MLLT3: variants seen among roughly 807,000 people sequenced by gnomAD.
The protein encoded by MLLT3 is protein AF-9.
In MLLT3, 4 loss-of-function variants were observed where a neutral mutation model predicts 53.2. That is an observed-to-expected ratio of 0.08 (90% CI 0.04 to 0.17). The LOEUF (loss-of-function observed/expected upper bound fraction) is 0.17. Among genes scored for constraint, MLLT3 ranks in the 10% least tolerant of loss-of-function variants. MLLT3 has a pLI of 1.00. For synonymous variants in MLLT3, 283 were observed against 230.6 expected (o/e 1.23, Z -2.06); for missense variants, 569 against 684.0 (o/e 0.83, Z 1.87).
intron 2 of MLLT3, among the ~76,000 whole-genome samples, chr9:20,592,971 G>A (rs182129522): frequency 6.6e-6 from 1 of 152,278 alleles, no homozygotes; most frequent in African/African-American, 2.4e-5. Flanking sequence ...AGGGCAGGTG[G>A]AGTTTATATA....
intron 2 of MLLT3, among the ~76,000 whole-genome samples, chr9:20,474,584 T>C (rs1001570391): frequency 2.6e-5 from 4 of 152,066 alleles, no homozygotes; most frequent in African/African-American, 9.7e-5. Flanking sequence ...GAGACACCCT[T>C]GTATTCCATC....
At position 20,483,425 on chromosome 9, in the gene MLLT3, A is replaced by C. The variant is rs1824719305; in HGVS notation, c.194-26639T>G. Among the ~76,000 whole-genome samples, 3 of 149,940 alleles carry C rather than the reference A, an allele frequency of 2.0e-5. No individual in the cohort carries two copies. In the East Asian group the frequency reaches 5.9e-4, roughly 29 times the overall value. ...GCTATTTTTTTTTTTAACTTTAAGG[A>C]TCTCACTATGTTGCCCAGGCTGGTC... On this transcript the variant is annotated intron_variant, in intron 2 of 10. Coordinates refer to ENST00000380338, the MANE Select transcript of MLLT3 (RefSeq NM_004529.4).
chr9:20,468,661 G>C (rs1824294879), intron 2 of MLLT3, among the ~76,000 whole-genome samples: 1 of 152,146 alleles, frequency 6.6e-6, no homozygotes, highest in Admixed American at 6.5e-5. Flanking sequence ...TCACAAACTA[G>C]CCATTTGTCC....
At chr9:20,536,407 G>A (rs990144539) in intron 2 of MLLT3, among the ~76,000 whole-genome samples, 1 of 152,110 alleles carries the variant, frequency 6.6e-6, no homozygotes, top group Non-Finnish European at 1.5e-5. Flanking sequence ...TCCAGATTTT[G>A]ATGGGTATCA....
At chr9:20,578,456 C>T (rs1317052977) in intron 2 of MLLT3, among the ~76,000 whole-genome samples, 2 of 151,812 alleles carry the variant, frequency 1.3e-5, no homozygotes, top group Admixed American at 1.3e-4. Context: ...GGTGGGAGGA[C>T]TGCTTAAAGC....
At chr9:20,622,159 G>T (rs2131220765) in intron 1 of MLLT3, 86 bp downstream of exon 1, 3 of 1,418,508 alleles carry the variant, frequency 2.1e-6, no homozygotes, top group Non-Finnish European at 3.0e-6. Flanking sequence ...GAACCGCGGA[G>T]CGCTGGCGCT....
rs1563956138 is a variant in MLLT3 at position 20,413,740 on chromosome 9, T to C, written c.1106A>G (p.Asn369Ser). 6.2e-7 allele frequency: 1 copy of C among 1,605,338 alleles called. No individual in the cohort carries two copies. Among genetic ancestry groups the C allele is most frequent in the Non-Finnish European group, 8.5e-7 (1 of 1,176,576 alleles). Residue 369 changes from asparagine to serine, a missense_variant, in exon 5 of 11, where the codon AAT becomes AGT. Asn to Ser is a conservative substitution (Grantham distance 46, BLOSUM62 1). Transcript: ENST00000380338. Reference protein sequence around the residue: ...VDPNDSDVEENISSKSDSEQP... With the variant: ...VDPNDSDVEESISSKSDSEQP... ...ACTCACATCAGATTTAGAGGATATA[T>C]TCTCCTCCACATCTGAATCATTGGG...
chr9:20,407,248 G>A (rs552235457), intron 5 of MLLT3, among the ~76,000 whole-genome samples: 2 of 152,306 alleles, frequency 1.3e-5, no homozygotes, highest in South Asian at 4.1e-4. Context: ...GCTCAGCTCT[G>A]TGAAACATAA....
intron 2 of MLLT3, among the ~76,000 whole-genome samples, chr9:20,496,180 G>A (rs117608888): frequency 0.019 from 2,914 of 152,236 alleles, 37 homozygotes; most frequent in Non-Finnish European, 0.028. Flanking sequence ...TCATTGCCTT[G>A]TTCTAAACAG....
chr9:20,578,297 A>G (rs1022653255), intron 2 of MLLT3, among the ~76,000 whole-genome samples: 2 of 152,194 alleles, frequency 1.3e-5, no homozygotes, highest in Non-Finnish European at 2.9e-5. Flanking sequence ...AAAATTTTGA[A>G]TCACTCTGAA....
rs551654051 is a variant in MLLT3 at position 20,566,997 on chromosome 9, G to T, written c.193+53657C>A. ...GATCTCAAGGGCAGTCTTATTAACTGTCTTAAAGGCACCGTCCAGCAACCG... is the reference window on the plus strand; with the variant it reads ...GATCTCAAGGGCAGTCTTATTAACTTTCTTAAAGGCACCGTCCAGCAACCG... On this transcript the variant is annotated intron_variant, in intron 2 of 10. Transcript: ENST00000380338. Among the ~76,000 whole-genome samples the T allele has an allele frequency of 2.2e-4, 33 of 152,164 alleles. 1 individual carries two copies. Among genetic ancestry groups the T allele is most frequent in the African/African-American group, 7.5e-4 (31 of 41,520 alleles).
intron 5 of MLLT3, among the ~76,000 whole-genome samples, chr9:20,384,930 C>CT (rs1821996805): frequency 6.6e-6 from 1 of 152,114 alleles, no homozygotes; most frequent in Non-Finnish European, 1.5e-5. Flanking sequence ...TCCAGAGACA[C>CT]TGTTATGTGG....
rs77808181 is a variant in MLLT3, at chr9:20,581,509, C to A, written c.193+39145G>T. 4.4e-4 allele frequency among the ~76,000 whole-genome samples: 67 copies of A among 152,220 alleles called. No individual in the cohort carries two copies. In the East Asian group the frequency reaches 0.013, roughly 29 times the overall value. The stretch of plus-strand genomic sequence containing the variant: ...GTAAATAAGTCTTCCCTAATTCACA[C>A]CAGAAATTCACTTGGAATTTTTTTT... On this transcript the variant is annotated intron_variant, in intron 2 of 10. Coordinates refer to ENST00000380338, the MANE Select transcript of MLLT3 (RefSeq NM_004529.4).
intron 2 of MLLT3, among the ~76,000 whole-genome samples, chr9:20,581,018 T>C (rs1819778883): frequency 6.6e-6 from 1 of 152,262 alleles, no homozygotes. Flanking sequence ...TATTGCCAAA[T>C]TCCAATACAA....
chr9:20,463,209 TACTTC>T (rs1824154317), intron 2 of MLLT3, among the ~76,000 whole-genome samples: 1 of 152,126 alleles, frequency 6.6e-6, no homozygotes, highest in Non-Finnish European at 1.5e-5. Flanking sequence ...ACATAAAAAT[TACTTC>T]ACTTGTTAGT....
chr9:20,481,691 A>G (rs931725757), intron 2 of MLLT3, among the ~76,000 whole-genome samples: 1 of 152,170 alleles, frequency 6.6e-6, no homozygotes, highest in South Asian at 2.1e-4. Flanking sequence ...AGATCCTTCA[A>G]TCAATGACAT....
At chr9:20,444,323 G>T (rs543830776) in intron 4 of MLLT3, among the ~76,000 whole-genome samples, 1 of 152,096 alleles carries the variant, frequency 6.6e-6, no homozygotes, top group African/African-American at 2.4e-5. Context: ...ATAGGGAGGT[G>T]CTTCTCCACA....
At chr9:20,553,483 AT>A (rs1199434231) in intron 2 of MLLT3, among the ~76,000 whole-genome samples, 4 of 152,214 alleles carry the variant, frequency 2.6e-5, no homozygotes, top group Non-Finnish European at 5.9e-5. Context: ...CCTCAATTCC[AT>A]CTGACCTCAA....
At chr9:20,377,896 G>T (rs1821809864) in intron 5 of MLLT3, among the ~76,000 whole-genome samples, 1 of 151,986 alleles carries the variant, frequency 6.6e-6, no homozygotes, top group Non-Finnish European at 1.5e-5. Context: ...CTCATTATCA[G>T]CTTATGAAAC....
Sources: gnomAD v4.1 joint callset for allele counts (sites outside exome capture counted in the v4.1 genomes callset) on GRCh38, gnomAD v4.1.1 for gene constraint, MANE v1.5 for transcripts, NCBI Gene and HGNC (gene_info 2026-07-23, HGNC 2026-07-21) for gene names.